EYS: variants seen among roughly 807,000 people sequenced by gnomAD.
EYS encodes the protein protein eyes shut homolog.
Under a neutral mutation model 282.1 loss-of-function variants are expected in EYS, and 250 were observed. The observed-to-expected ratio is 0.89, with a 90% CI of 0.80 to 0.98. The LOEUF is 0.98. EYS is among the 50% of genes least tolerant of loss of function. The pLI is 0.00. For synonymous variants in EYS, 1,355 were observed against 1,282.9 expected, an observed-to-expected ratio of 1.06 and a Z score of -1.20; for missense variants, 4,016 against 3,709.0, an observed-to-expected ratio of 1.08 and a Z score of -2.15.
intron 26 of EYS, among the ~76,000 whole-genome samples, chr6:64,486,370 G>C (rs1776579384): frequency 1.3e-5 from 2 of 151,384 alleles, no homozygotes; most frequent in African/African-American, 2.4e-5. Flanking sequence ...CAGATAACAA[G>C]AGATCAACAG....
At chr6:64,819,194 A>T (rs35810136) in intron 21 of EYS, among the ~76,000 whole-genome samples, 3,903 of 152,214 alleles carry the variant, frequency 0.026, 67 homozygotes, top group Middle Eastern at 0.048. Context: ...ATAGAGAGAG[A>T]TGTAGATCAC....
chr6:64,524,776 T>A (rs1777864324), intron 26 of EYS, among the ~76,000 whole-genome samples: 1 of 151,798 alleles, frequency 6.6e-6, no homozygotes, highest in Non-Finnish European at 1.5e-5. Context: ...ATCAGATGGT[T>A]GCAAGTGTGT....
intron 33 of EYS, among the ~76,000 whole-genome samples, chr6:64,047,276 G>A (rs1451865297): frequency 6.6e-6 from 1 of 152,042 alleles, no homozygotes; most frequent in Non-Finnish European, 1.5e-5. Context: ...GAGACCAGAG[G>A]TTGTTATTAA....
intron 31 of EYS, among the ~76,000 whole-genome samples, chr6:64,115,101 A>C (rs3003671): frequency 0.086 from 13,038 of 152,166 alleles, 1,498 homozygotes; most frequent in African/African-American, 0.26. Context: ...AGGAGTGCCT[A>C]CACCATGGAC....
At chr6:64,715,333 G>A (rs1771353067) in intron 22 of EYS, among the ~76,000 whole-genome samples, 1 of 152,078 alleles carries the variant, frequency 6.6e-6, no homozygotes, top group Admixed American at 6.5e-5. Flanking sequence ...TTCAGTTGTT[G>A]TCACTGCAGA....
chr6:64,167,174 C>T (rs1158498733), intron 31 of EYS, among the ~76,000 whole-genome samples: 1 of 152,114 alleles, frequency 6.6e-6, no homozygotes, highest in African/African-American at 2.4e-5. Flanking sequence ...GCAAATCATG[C>T]TCCCAAATAA....
In EYS at chr6:63,985,746, G is replaced by T. The variant is rs533983601; in HGVS notation, c.6835-1143C>A. Reference sequence around the variant, plus strand: ...AGCCATATGCAGAAGATTGAAGCTGGTCCCCTTCTTACACCATATACAAAA... The same window carrying T: ...AGCCATATGCAGAAGATTGAAGCTGTTCCCCTTCTTACACCATATACAAAA... On this transcript the variant is annotated intron_variant, in intron 34 of 42. Transcript: ENST00000503581. 2.6e-5 allele frequency among the ~76,000 whole-genome samples: 4 copies of T among 151,650 alleles called. No individual in the cohort carries two copies. The East Asian group carries it at 7.8e-4, about 30-fold the overall frequency.
At chr6:64,586,403 G>T (rs567664728) in intron 26 of EYS, among the ~76,000 whole-genome samples, 81 of 152,134 alleles carry the variant, frequency 5.3e-4, no homozygotes, top group African/African-American at 1.9e-3. Flanking sequence ...TAAATTATAT[G>T]TAAGAAATAC....
intron 22 of EYS, among the ~76,000 whole-genome samples, chr6:64,681,755 C>A (rs1007926940): frequency 1.3e-5 from 2 of 152,112 alleles, no homozygotes; most frequent in African/African-American, 4.8e-5. Flanking sequence ...AGGTGATCAC[C>A]GGCTCAGTCA....
intron 22 of EYS, among the ~76,000 whole-genome samples, chr6:64,683,892 C>T (rs1213850019): frequency 2.0e-5 from 3 of 152,158 alleles, no homozygotes; most frequent in Non-Finnish European, 4.4e-5. Context: ...GAAATTCCTC[C>T]TTATCAGCAG....
intron 29 of EYS, among the ~76,000 whole-genome samples, chr6:64,360,725 T>C (rs903249787): frequency 6.6e-6 from 1 of 151,778 alleles, no homozygotes; most frequent in Non-Finnish European, 1.5e-5. Flanking sequence ...CACAGTTCTA[T>C]TTCTATATGC....
intron 26 of EYS, among the ~76,000 whole-genome samples, chr6:64,575,779 A>G (rs965683780): frequency 5.9e-5 from 9 of 152,164 alleles, no homozygotes; most frequent in Non-Finnish European, 4.4e-5. Flanking sequence ...TTAAGGAACT[A>G]GACAGGTAGT....
intron 1 of EYS, among the ~76,000 whole-genome samples, chr6:65,699,975 C>T (rs1582617797): frequency 6.6e-6 from 1 of 151,568 alleles, no homozygotes; most frequent in Non-Finnish European, 1.5e-5. Context: ...ATTAGCCGGG[C>T]GTGGTGGCGG....
intron 12 of EYS, among the ~76,000 whole-genome samples, chr6:65,247,396 T>C (rs1767207275): frequency 6.6e-6 from 1 of 152,076 alleles, no homozygotes. Flanking sequence ...TTCCTATACC[T>C]AATCTTTTAC....
In EYS at chr6:64,997,678, G is replaced by T. The variant is rs1485762557; in HGVS notation, c.2163C>A (p.Cys721Ter). Residue 721 changes from cysteine (C) to a stop codon, truncating the protein, a stop_gained, in exon 14 of 43, where the codon TGC (cysteine) becomes TGA (stop). Coordinates refer to ENST00000503581, the MANE Select transcript of EYS (RefSeq NM_001142800.2). LOFTEE classifies it high-confidence loss of function. ...ATCTTATCCCAACATAGCCTGGATT[G>T]CATAAGCAGGAAAAGCCATCAACCA... ...FKVVDGFSCL[C>*]NPGYVGIRCE... is the part of the protein sequence containing the mutation. 1 of 1,550,812 alleles carries T rather than the reference G, an allele frequency of 6.4e-7. No homozygotes were observed. The highest frequency in any genetic ancestry group is 8.7e-7 in the Non-Finnish European group (1 of 1,146,412).
intron 41 of EYS, among the ~76,000 whole-genome samples, chr6:63,746,467 T>C (rs1267151637): frequency 6.6e-6 from 1 of 152,200 alleles, no homozygotes; most frequent in Non-Finnish European, 1.5e-5. Context: ...AGGCCCTCTT[T>C]TTCTATTGAT....
chr6:64,463,602 A>C (rs974370662), intron 26 of EYS, among the ~76,000 whole-genome samples: 1 of 152,228 alleles, frequency 6.6e-6, no homozygotes, highest in Non-Finnish European at 1.5e-5. Context: ...AAAAGTGAAA[A>C]TAATGCAATT....
chr6:64,720,013 A>G (rs1446985608), intron 22 of EYS, among the ~76,000 whole-genome samples: 1 of 152,178 alleles, frequency 6.6e-6, no homozygotes, highest in Non-Finnish European at 1.5e-5. Context: ...CTAAAACACT[A>G]GTGTCTTGAA....
chr6:64,300,714 G>A (rs1288329890), intron 30 of EYS, among the ~76,000 whole-genome samples: 4 of 152,122 alleles, frequency 2.6e-5, no homozygotes, highest in Non-Finnish European at 5.9e-5. Flanking sequence ...AACCTATAGG[G>A]CCCCTTCAAC....
Sources: allele counts gnomAD v4.1 joint callset (sites outside exome capture counted in the v4.1 genomes callset), GRCh38; gene constraint gnomAD v4.1.1; transcripts MANE v1.5; gene names NCBI Gene and HGNC (gene_info 2026-07-23, HGNC 2026-07-21).